TMEM120B: variants seen among roughly 807,000 people sequenced by gnomAD.
TMEM120B encodes the protein transmembrane protein 120B.
In TMEM120B, 31 loss-of-function variants were observed where a neutral mutation model predicts 55.5. That is an observed-to-expected ratio of 0.56 (90% CI 0.42 to 0.75). TMEM120B has a LOEUF of 0.75. Ranked by LOEUF, TMEM120B falls within the 30% of genes least tolerant of loss-of-function variation. TMEM120B has a pLI of 0.00. For synonymous variants in TMEM120B, 203 were observed against 176.3 expected, an observed-to-expected ratio of 1.15 and a Z score of -1.20; for missense variants, 399 against 425.5, an observed-to-expected ratio of 0.94 and a Z score of 0.55.
At chr12:121,714,170 C>G (rs1011605326) in intron 1 of TMEM120B, among the ~76,000 whole-genome samples, 1 of 152,160 alleles carries the variant, frequency 6.6e-6, no homozygotes, top group African/African-American at 2.4e-5. Flanking sequence ...TTGATGCCTT[C>G]TCTTCTAGGG....
At chr12:121,740,350 G>A (rs544987919) in intron 1 of TMEM120B, among the ~76,000 whole-genome samples, 65 of 151,930 alleles carry the variant, frequency 4.3e-4, no homozygotes, top group African/African-American at 1.4e-3. Flanking sequence ...CAGGCGTGGT[G>A]GTGCATGCCT....
rs181972531 is a variant in TMEM120B at position 121,730,802 on chromosome 12, A to G, written c.70-12827A>G. ...GAGAAATGCCATCTCTACTAAAAAT[A>G]CAAAAATTAGCTGGGCATGGTGGCA... is the stretch of plus-strand genomic sequence containing the variant. On this transcript the variant is annotated intron_variant, in intron 1 of 11. Coordinates refer to ENST00000449592, the MANE Select transcript of TMEM120B (RefSeq NM_001080825.2). 9.2e-4 allele frequency among the ~76,000 whole-genome samples: 140 copies of G among 152,012 alleles called. 2 individuals are homozygous for G. The highest frequency in any genetic ancestry group is 1.2e-3 in the Non-Finnish European group (79 of 67,964).
At chr12:121,717,553 G>A (rs1894722527) in intron 1 of TMEM120B, among the ~76,000 whole-genome samples, 1 of 152,194 alleles carries the variant, frequency 6.6e-6, no homozygotes, top group Non-Finnish European at 1.5e-5. Context: ...AACCCAGGCT[G>A]TTGAACACCA....
rs960351668 is a variant in TMEM120B at position 121,781,599 on chromosome 12, A to T, written c.*5877A>T. Reference sequence around the variant, plus strand: ...GCTGGGGCTGGAGAAACTGCTAGAGATGATGCCGATAGCCAGTGTGATCCC... The same window carrying T: ...GCTGGGGCTGGAGAAACTGCTAGAGTTGATGCCGATAGCCAGTGTGATCCC... On this transcript the variant is annotated 3_prime_UTR_variant, in exon 12 of 12. Transcript: ENST00000449592. 1.4e-4 allele frequency: 29 copies of T among 213,002 alleles called. No homozygotes were observed. Among genetic ancestry groups the T allele is most frequent in the Non-Finnish European group, 3.9e-5 (4 of 103,764 alleles). 13.2% of individuals were successfully genotyped at this position (213,002 alleles called of 1,614,324 possible).
intron 3 of TMEM120B, among the ~76,000 whole-genome samples, chr12:121,749,635 G>A (rs1424274602): frequency 6.6e-6 from 1 of 152,248 alleles, no homozygotes; most frequent in Non-Finnish European, 1.5e-5. Flanking sequence ...GCTGGGCACA[G>A]TGGCTCATGC....
chr12:121,756,791 C>T (rs913012623), intron 5 of TMEM120B, among the ~76,000 whole-genome samples: 4 of 152,204 alleles, frequency 2.6e-5, no homozygotes, highest in Non-Finnish European at 2.9e-5. Flanking sequence ...TCACAGAGTT[C>T]GTCTCAAGAG....
chr12:121,735,543 C>T (rs540728699), intron 1 of TMEM120B, among the ~76,000 whole-genome samples: 24 of 151,632 alleles, frequency 1.6e-4, no homozygotes, highest in African/African-American at 5.8e-4. Context: ...GGACTACAGG[C>T]GCACACCACC....
intron 6 of TMEM120B, among the ~76,000 whole-genome samples, chr12:121,763,907 C>A (rs1873763357): frequency 6.6e-6 from 1 of 152,160 alleles, no homozygotes; most frequent in Non-Finnish European, 1.5e-5. Flanking sequence ...TATGGCAGGT[C>A]CCTGCCCTAC....
rs1278926360 is a variant in TMEM120B at position 121,716,309 on chromosome 12, C to CAA, written c.69+3359_69+3360dup. On this transcript the variant is annotated intron_variant, in intron 1 of 11. Transcript: ENST00000449592. ...GGTGACAGAGTTAGACCCTCTCTCT[C>CAA]AAAAAAAAAAAAAAAGAGATTTGTT... Among the ~76,000 whole-genome samples, 280 of 120,792 alleles carry CAA rather than the reference C, an allele frequency of 2.3e-3. No homozygotes were observed. In the East Asian group the frequency reaches 0.041, roughly 18 times the overall value. The allele number at this position is 120,792 out of a possible 152,430, so 79.2% of individuals were successfully genotyped here.
At chr12:121,771,609 G>A (rs1296677145) in intron 8 of TMEM120B, 60 bp downstream of exon 8, 1 of 1,521,150 alleles carries the variant, frequency 6.6e-7, no homozygotes, top group Non-Finnish European at 9.1e-7. Flanking sequence ...CTTTCACCAA[G>A]GGAGGGCCCC....
At chr12:121,745,755 GC>G in intron 2 of TMEM120B, among the ~76,000 whole-genome samples, 1 of 152,082 alleles carries the variant, frequency 6.6e-6, no homozygotes. Flanking sequence ...CGCAATCACG[GC>G]TCACCACAGC....
chr12:121,718,679 G>A (rs73229922), intron 1 of TMEM120B, among the ~76,000 whole-genome samples: 1,771 of 152,232 alleles, frequency 0.012, 17 homozygotes, highest in South Asian at 0.036. Flanking sequence ...GAGACTCTTA[G>A]CTCTAGAAGA....
At chr12:121,739,181 C>CT (rs1301377652) in intron 1 of TMEM120B, among the ~76,000 whole-genome samples, 1 of 152,128 alleles carries the variant, frequency 6.6e-6, no homozygotes, top group Admixed American at 6.6e-5. Context: ...GAGTCAAACT[C>CT]TGTCTCAAAA....
chr12:121,758,252 CCACTT>C lies in TMEM120B; in HGVS notation c.462-3393_462-3389del, dbSNP rs1873541726. ...ATGCTCACATGGTGGGTCGGCCTCTCCACTTCACAGATTGCAGGGCTGAGGCCAGT... is the reference window on the plus strand; with the variant it reads ...ATGCTCACATGGTGGGTCGGCCTCTCCACAGATTGCAGGGCTGAGGCCAGT... On this transcript the variant is annotated intron_variant, in intron 5 of 11. Transcript: ENST00000449592. 5.1e-6 allele frequency: 5 copies of C among 985,360 alleles called. No individual in the cohort carries two copies. In the South Asian group the frequency reaches 1.4e-4, roughly 28 times the overall value. The allele number at this position is 985,360 out of a possible 1,614,324, so 61.0% of individuals were successfully genotyped here. A position where few individuals can be genotyped will look rare whatever the true frequency, so the allele number is the denominator to read the frequency against.
In TMEM120B at chr12:121,781,872, C is replaced by A. The variant is rs1311078893; in HGVS notation, c.*6150C>A. The A allele has an allele frequency of 1.3e-5, 2 of 151,622 alleles. No homozygotes were observed. The highest frequency in any genetic ancestry group is 1.3e-4 in the Admixed American group (2 of 15,250). The allele number at this position is 151,622 out of a possible 1,614,324, so 9.4% of individuals were successfully genotyped here. On this transcript the variant is annotated 3_prime_UTR_variant, in exon 12 of 12. Coordinates refer to ENST00000449592, the MANE Select transcript of TMEM120B (RefSeq NM_001080825.2). ...GCCCTCCCCACCCAGATTCACAGAG[C>A]ACACTCCCTGGGGGGATACTTTAAT...
chr12:121,715,181 C>T (rs1894677896), intron 1 of TMEM120B, among the ~76,000 whole-genome samples: 1 of 151,862 alleles, frequency 6.6e-6, no homozygotes, highest in Non-Finnish European at 1.5e-5. Flanking sequence ...ACTAAAAATG[C>T]AAAATTAGCT....
Position 121,781,038 on chromosome 12 carries a change from G to A in TMEM120B, c.*5316G>A, listed in dbSNP as rs367894577. ...AGGGAGGAGGCGGGATCAGGGGTGC[G>A]GCCGGGCCCAGATGTGGGGCCACCA... On this transcript the variant is annotated 3_prime_UTR_variant, in exon 12 of 12. Coordinates refer to ENST00000449592, the MANE Select transcript of TMEM120B (RefSeq NM_001080825.2). The A allele has an allele frequency of 1.1e-5, 17 of 1,613,396 alleles. No individual in the cohort carries two copies. Among genetic ancestry groups the A allele is most frequent in the East Asian group, 2.2e-5 (1 of 44,880 alleles).
rs897759057 is a variant in TMEM120B, at chr12:121,714,557, CTT to C, written c.69+1615_69+1616del. On this transcript the variant is annotated intron_variant, in intron 1 of 11. Coordinates refer to ENST00000449592, the MANE Select transcript of TMEM120B (RefSeq NM_001080825.2). ...CACTGTGCCTGGCCCTCAGCCACTT[CTT>C]TTTTTTTTTTTTTTTTTTTTTGAGA... 1.1e-3 allele frequency among the ~76,000 whole-genome samples: 113 copies of C among 100,212 alleles called. 1 individual carries two copies. In the East Asian group the frequency reaches 0.029, roughly 26 times the overall value. The allele number at this position is 100,212 out of a possible 152,430, so 65.7% of individuals were successfully genotyped here. A position where few individuals can be genotyped will look rare whatever the true frequency, so the allele number is the denominator to read the frequency against.
chr12:121,764,609 G>C (rs1873787022), intron 6 of TMEM120B, among the ~76,000 whole-genome samples: 1 of 152,062 alleles, frequency 6.6e-6, no homozygotes, highest in South Asian at 2.1e-4. Flanking sequence ...AGCCCAGGAG[G>C]TTGAGGCCAC....
Sources: allele counts gnomAD v4.1 joint callset (sites outside exome capture counted in the v4.1 genomes callset), GRCh38; gene constraint gnomAD v4.1.1; transcripts MANE v1.5; gene names NCBI Gene and HGNC (gene_info 2026-07-23, HGNC 2026-07-21).